MGST1: variants seen among roughly 807,000 people sequenced by gnomAD.
MGST1 encodes the protein glutathione S-transferase 12.
Under a neutral mutation model 8.9 loss-of-function variants are expected in MGST1, and 5 were observed. The observed-to-expected ratio is 0.56, with a 90% CI of 0.29 to 1.19. The LOEUF is 1.19. Ranked by LOEUF, MGST1 falls within the 50% of genes most tolerant of loss-of-function variation. The probability of loss-of-function intolerance (pLI) is 0.08; values close to 1 mark genes in which losing one functional copy is unlikely to be tolerated. For synonymous variants in MGST1, 54 were observed against 67.8 expected (o/e 0.80, Z 1.00); for missense variants, 182 against 187.4 (o/e 0.97, Z 0.17).
chr12:16,438,395 A>G (rs184446450), exon 2 of MGST1: 1 of 151,998 alleles, frequency 6.6e-6, no homozygotes, highest in Non-Finnish European at 1.5e-5. Context: ...ACTAGACTCT[A>G]TGGTGATGAA....
intron 4 of MGST1, among the ~76,000 whole-genome samples, chr12:16,450,524 A>AGGAATTCTAGGGAGAGG (rs1371173613): frequency 6.6e-6 from 1 of 151,954 alleles, no homozygotes; most frequent in Non-Finnish European, 1.5e-5. Flanking sequence ...GAGAGGTAGA[A>AGGAATTCTAGGGAGAGG]AGTGTAAGGA....
At chr12:16,487,991 T>A (rs1353083363) in intron 4 of MGST1, among the ~76,000 whole-genome samples, 3 of 152,196 alleles carry the variant, frequency 2.0e-5, no homozygotes, top group Non-Finnish European at 4.4e-5. Flanking sequence ...CATACCCATC[T>A]GTACTATAAG....
At chr12:16,400,225 T>C (rs1017680974) in intron 1 of MGST1, 5 of 873,522 alleles carry the variant, frequency 5.7e-6, no homozygotes, top group Non-Finnish European at 7.9e-6. Context: ...CACATCCATG[T>C]GCCACTTCTT....
intron 4 of MGST1, among the ~76,000 whole-genome samples, chr12:16,471,530 C>T (rs566493628): frequency 6.6e-6 from 1 of 152,144 alleles, no homozygotes; most frequent in African/African-American, 2.4e-5. Context: ...GTTTTTAATG[C>T]CTTGATTTTT....
At chr12:16,412,037 A>T (rs2137074821) in intron 1 of MGST1, among the ~76,000 whole-genome samples, 1 of 152,334 alleles carries the variant, frequency 6.6e-6, no homozygotes, top group Middle Eastern at 3.4e-3. Flanking sequence ...AAACTATTAA[A>T]AAAATTAGTC....
intron 4 of MGST1, among the ~76,000 whole-genome samples, chr12:16,512,320 T>C (rs1941582424): frequency 6.6e-6 from 1 of 152,096 alleles, no homozygotes; most frequent in African/African-American, 2.4e-5. Flanking sequence ...GATAATCTCA[T>C]CTCTGGAGAA....
chr12:16,531,122 G>C (rs1160479617), intron 4 of MGST1, among the ~76,000 whole-genome samples: 1 of 94,996 alleles, frequency 1.1e-5, no homozygotes, highest in Non-Finnish European at 1.9e-5. Flanking sequence ...TCACTGAATA[G>C]AAGCAAAGGA....
chr12:16,470,575 A>G (rs531727541), intron 4 of MGST1, among the ~76,000 whole-genome samples: 38 of 152,182 alleles, frequency 2.5e-4, no homozygotes, highest in Non-Finnish European at 4.4e-4. Flanking sequence ...ATAACAGGAG[A>G]GTAATCATGG....
chr12:16,391,511 G>A (rs1940552731), intron 1 of MGST1, among the ~76,000 whole-genome samples: 2 of 151,916 alleles, frequency 1.3e-5, no homozygotes, highest in Admixed American at 1.3e-4. Flanking sequence ...TTTTATGGCT[G>A]CATAGTATTC....
At chr12:16,526,639 G>C (rs1440015422) in intron 4 of MGST1, among the ~76,000 whole-genome samples, 1 of 151,910 alleles carries the variant, frequency 6.6e-6, no homozygotes, top group East Asian at 1.9e-4. Context: ...TGCCATAAAG[G>C]AATTTTGAGT....
intron 4 of MGST1, among the ~76,000 whole-genome samples, chr12:16,564,450 C>T (rs932399419): frequency 1.3e-5 from 2 of 152,192 alleles, no homozygotes; most frequent in Non-Finnish European, 2.9e-5. Flanking sequence ...TCTAACGTTC[C>T]TGCGGACTGG....
At chr12:16,422,174 G>A (rs985790752) in intron 1 of MGST1, among the ~76,000 whole-genome samples, 2 of 152,182 alleles carry the variant, frequency 1.3e-5, no homozygotes, top group Non-Finnish European at 2.9e-5. Flanking sequence ...TGGTGATTAA[G>A]TTCTTCTTCT....
chr12:16,590,182 T>G (rs1268020426), downstream of MGST1, among the ~76,000 whole-genome samples: 1 of 152,052 alleles, frequency 6.6e-6, no homozygotes, highest in Non-Finnish European at 1.5e-5. Context: ...AAATAGAAAT[T>G]AATATTTAAC....
In MGST1 at chr12:16,361,318, C is replaced by G. The variant is rs1468759830; in HGVS notation, c.222-2477C>G. Among the ~76,000 whole-genome samples, 7 of 152,106 alleles carry G rather than the reference C, an allele frequency of 4.6e-5. No homozygotes were observed. The highest frequency in any genetic ancestry group is 9.7e-5 in the African/African-American group (4 of 41,420). On this transcript the variant is annotated intron_variant, in intron 3 of 3. Transcript: ENST00000396210. This position sits in a 1 kb window ranked among gnomAD's most constrained non-coding sequence, Gnocchi z 4.2. The stretch of plus-strand genomic sequence containing the variant: ...GTCCAGGTCAGGTGGATGCTGGGAT[C>G]CAAGTAATTCTGATCTGAGGGAAGG...
chr12:16,352,891 C>T (rs961400973), intron 1 of MGST1, among the ~76,000 whole-genome samples: 2 of 151,940 alleles, frequency 1.3e-5, no homozygotes, highest in African/African-American at 2.4e-5. Flanking sequence ...TACCTGTCTT[C>T]GAATTGATGA....
chr12:16,366,744 A>T (rs1053075451), downstream of MGST1, among the ~76,000 whole-genome samples: 3 of 151,942 alleles, frequency 2.0e-5, no homozygotes, highest in African/African-American at 7.3e-5. This position sits in a 1 kb window ranked among gnomAD's most constrained non-coding sequence, Gnocchi z 4.0. Context: ...ACTTTTTCAA[A>T]CACCACCATC....
chr12:16,395,329 CCT>C (rs1940595372), intron 1 of MGST1, among the ~76,000 whole-genome samples: 2 of 152,196 alleles, frequency 1.3e-5, no homozygotes, highest in South Asian at 4.1e-4. Flanking sequence ...ACTTTTCTGA[CCT>C]CTCTACATTT....
intron 4 of MGST1, among the ~76,000 whole-genome samples, chr12:16,581,884 CTTT>C (rs1943170079): frequency 6.6e-6 from 1 of 151,942 alleles, no homozygotes. Flanking sequence ...ATTTGATTTA[CTTT>C]TTTATTTAGC....
intron 4 of MGST1, among the ~76,000 whole-genome samples, chr12:16,446,587 A>G (rs1941081883): frequency 6.6e-6 from 1 of 151,700 alleles, no homozygotes. Context: ...TACCACTCCA[A>G]CCTTACCAGT....
Sources: gnomAD v4.1 joint callset for allele counts (sites outside exome capture counted in the v4.1 genomes callset) on GRCh38, gnomAD v4.1.1 for gene constraint, Gnocchi (gnomAD v3.1) non-coding constraint, MANE v1.5 for transcripts, NCBI Gene and HGNC (gene_info 2026-07-23, HGNC 2026-07-21) for gene names.